ANKS1B: variants seen among roughly 807,000 people sequenced by gnomAD.
ANKS1B encodes the protein ankyrin repeat and sterile alpha motif domain containing 1B, also known as ankyrin repeat and sterile alpha motif domain-containing protein 1B.
A neutral mutation model predicts 148.3 loss-of-function variants in ANKS1B; 36 were observed. The ratio of observed to expected loss-of-function variants is 0.24; its 90% confidence interval spans 0.19 to 0.32. The LOEUF (loss-of-function observed/expected upper bound fraction) is 0.32, where lower values mean the gene tolerates loss of function less well. Ranked by LOEUF, ANKS1B falls within the 10% of genes least tolerant of loss-of-function variation. The pLI is 1.00. For missense variants in ANKS1B, 1,157 were observed against 1,542.6 expected, an observed-to-expected ratio of 0.75 and a Z score of 4.19; for synonymous variants, 542 against 560.8, an observed-to-expected ratio of 0.97 and a Z score of 0.47.
At chr12:99,426,126 A>G (rs1020009783) in intron 11 of ANKS1B, among the ~76,000 whole-genome samples, 1 of 152,170 alleles carries the variant, frequency 6.6e-6, no homozygotes, top group Non-Finnish European at 1.5e-5. Flanking sequence ...GAAGATAAGA[A>G]AATGTGTCTC....
At chr12:99,177,267 CT>C (rs2078515139) in intron 14 of ANKS1B, among the ~76,000 whole-genome samples, 1 of 152,194 alleles carries the variant, frequency 6.6e-6, no homozygotes, top group African/African-American at 2.4e-5. Context: ...TTTATATTTC[CT>C]TTTCATTGAC....
chr12:99,434,980 GA>G (rs1441682759), intron 11 of ANKS1B, among the ~76,000 whole-genome samples: 1 of 151,750 alleles, frequency 6.6e-6, no homozygotes, highest in Non-Finnish European at 1.5e-5. Context: ...GAAAAAAGAT[GA>G]AAAAATTTTT....
At chr12:99,132,642 T>G (rs2066499657) in intron 15 of ANKS1B, among the ~76,000 whole-genome samples, 1 of 152,160 alleles carries the variant, frequency 6.6e-6, no homozygotes, top group South Asian at 2.1e-4. Context: ...TTAACAATAA[T>G]ATACATACAT....
intron 15 of ANKS1B, among the ~76,000 whole-genome samples, chr12:99,126,452 A>G (rs1242750713): frequency 6.6e-6 from 1 of 152,140 alleles, no homozygotes; most frequent in Admixed American, 6.6e-5. Context: ...TTTCTGTGCA[A>G]TTCCGTAAAA....
intron 17 of ANKS1B, among the ~76,000 whole-genome samples, chr12:98,858,962 G>A (rs907712118): frequency 1.1e-4 from 17 of 152,160 alleles, no homozygotes; most frequent in African/African-American, 3.6e-4. Context: ...GAAGACTTCC[G>A]GATTCTCTTA....
chr12:99,470,388 G>A (rs1255122867), intron 10 of ANKS1B, among the ~76,000 whole-genome samples: 1 of 152,042 alleles, frequency 6.6e-6, no homozygotes, highest in African/African-American at 2.4e-5. Flanking sequence ...ATGCTTTAAT[G>A]ACATTGTAGA....
chr12:99,254,621 A>G (rs1180020501), intron 12 of ANKS1B, among the ~76,000 whole-genome samples: 1 of 152,232 alleles, frequency 6.6e-6, no homozygotes. Context: ...TGAGAACAGT[A>G]ATCTCATCTT....
intron 12 of ANKS1B, among the ~76,000 whole-genome samples, chr12:99,369,795 C>CGGAT (rs1555404996): frequency 2.2e-5 from 2 of 91,114 alleles, no homozygotes; most frequent in East Asian, 3.4e-4. Context: ...GATAGATGGA[C>CGGAT]GGACGGACAG....
At chr12:99,002,665 G>A (rs1189752074) in intron 17 of ANKS1B, among the ~76,000 whole-genome samples, 1 of 152,052 alleles carries the variant, frequency 6.6e-6, no homozygotes. Flanking sequence ...TTCAGGTCTT[G>A]AGCCCCGATT....
chr12:99,266,803 T>C (rs1162968983), intron 12 of ANKS1B, among the ~76,000 whole-genome samples: 1 of 152,218 alleles, frequency 6.6e-6, no homozygotes, highest in East Asian at 1.9e-4. Context: ...ATATGAGTCC[T>C]AACTTTTATC....
At chr12:99,715,057 A>C (rs570717535) in intron 8 of ANKS1B, among the ~76,000 whole-genome samples, 1 of 152,144 alleles carries the variant, frequency 6.6e-6, no homozygotes, top group Admixed American at 6.5e-5. Context: ...TGAACCTGGG[A>C]GGCGGGGGTT....
intron 12 of ANKS1B, among the ~76,000 whole-genome samples, chr12:99,284,376 G>C (rs1339908276): frequency 1.3e-5 from 2 of 152,152 alleles, no homozygotes; most frequent in Non-Finnish European, 1.5e-5. Flanking sequence ...AGAAAAACAG[G>C]CTACTGGTAA....
intron 1 of ANKS1B, among the ~76,000 whole-genome samples, chr12:99,891,808 T>C (rs2093126333): frequency 6.6e-6 from 1 of 152,182 alleles, no homozygotes; most frequent in Non-Finnish European, 1.5e-5. Flanking sequence ...AAAAAAATCT[T>C]TACCTTTTAA....
In ANKS1B at chr12:99,332,239, G is replaced by T. The variant is rs538889912; in HGVS notation, c.1756+67392C>A. On this transcript the variant is annotated intron_variant, in intron 12 of 26. Coordinates refer to ENST00000683438, the MANE Select transcript of ANKS1B (RefSeq NM_001352186.2). ...AACTGAACACAATTTTTCCAAGATC[G>T]TAGATGATTCATGCGCACATTAAAG... 3.3e-5 allele frequency among the ~76,000 whole-genome samples: 5 copies of T among 152,128 alleles called. No individual in the cohort carries two copies. In the East Asian group the frequency reaches 9.7e-4, roughly 29 times the overall value.
chr12:99,673,597 GAA>G (rs1178118168), intron 8 of ANKS1B, among the ~76,000 whole-genome samples: 1 of 151,872 alleles, frequency 6.6e-6, no homozygotes, highest in Non-Finnish European at 1.5e-5. Context: ...TTTATACCAA[GAA>G]AAGTTACTGG....
chr12:99,968,841 G>A (rs1041946904), intron 1 of ANKS1B, among the ~76,000 whole-genome samples: 1 of 152,030 alleles, frequency 6.6e-6, no homozygotes, highest in African/African-American at 2.4e-5. Context: ...TTAAAAGTGT[G>A]TGGCACCTCC....
At chr12:99,504,713 A>G (rs2096689058) in intron 9 of ANKS1B, 72 bp from the exon 10 acceptor site, 2 of 1,173,344 alleles carry the variant, frequency 1.7e-6, no homozygotes, top group Non-Finnish European at 2.3e-6. Context: ...AAAACTAGAA[A>G]AGATAATCAG....
At position 99,832,552 on chromosome 12, in the gene ANKS1B, A is replaced by C. The variant is rs146583175; in HGVS notation, c.135-7163T>G. Among the ~76,000 whole-genome samples, 1,176 of 152,038 alleles carry C rather than the reference A, an allele frequency of 7.7e-3. 14 individuals are homozygous for C. Among genetic ancestry groups the C allele is most frequent in the African/African-American group, 0.027 (1,111 of 41,452 alleles). On this transcript the variant is annotated intron_variant, in intron 1 of 26. Coordinates refer to ENST00000683438, the MANE Select transcript of ANKS1B (RefSeq NM_001352186.2). ...CAGCCTGGCCAACATGGCAAAAAAAACACTTTACTCAAAATACAAAAATTA... is the reference window on the plus strand; with the variant it reads ...CAGCCTGGCCAACATGGCAAAAAAACCACTTTACTCAAAATACAAAAATTA...
intron 1 of ANKS1B, among the ~76,000 whole-genome samples, chr12:99,835,889 T>G (rs867060254): frequency 2.0e-5 from 3 of 152,212 alleles, no homozygotes; most frequent in Admixed American, 1.3e-4. Context: ...CGTTTACCTA[T>G]GTAACAAAAC....
Sources: allele counts gnomAD v4.1 joint callset (sites outside exome capture counted in the v4.1 genomes callset), GRCh38; gene constraint gnomAD v4.1.1; transcripts MANE v1.5; gene names NCBI Gene and HGNC (gene_info 2026-07-23, HGNC 2026-07-21).